Variants in FAAH2 observed in about 807,000 individuals in gnomAD.
FAAH2 encodes fatty acid amide hydrolase 2, also known as fatty-acid amide hydrolase 2.
In FAAH2, 60 loss-of-function variants were observed where a neutral mutation model predicts 36.9. That is an observed-to-expected ratio of 1.63 (90% CI 1.32 to 2.02). The LOEUF (loss-of-function observed/expected upper bound fraction) is 2.02, where lower values mean the gene tolerates loss of function less well. Ranked by LOEUF, FAAH2 falls within the 30% of genes most tolerant of loss-of-function variation. The pLI, the probability that FAAH2 is intolerant of heterozygous loss-of-function variation, is 0.00. For missense variants in FAAH2, 689 were observed against 397.5 expected (o/e 1.73, Z -6.23); for synonymous variants, 214 against 143.8 (o/e 1.49, Z -3.49).
the FAAH2 span, among the ~76,000 whole-genome samples, chrX:57,226,573 C>T: frequency 8.9e-6 from 1 of 111,836 alleles, no homozygotes; most frequent in African/African-American, 3.3e-5. Context: ...TGTCTCAAAA[C>T]TCTTAAGATT....
intron 7 of FAAH2, among the ~76,000 whole-genome samples, chrX:57,423,559 G>T (rs931031546): frequency 8.9e-6 from 1 of 112,080 alleles, no homozygotes; most frequent in Non-Finnish European, 1.9e-5. Context: ...TGGAAGCAAT[G>T]TGGGACCCAC....
chrX:57,324,455 A>G (rs1216759336), intron 3 of FAAH2, among the ~76,000 whole-genome samples: 2 of 111,881 alleles, frequency 1.8e-5, no homozygotes, highest in African/African-American at 3.3e-5. Flanking sequence ...CATGATATTG[A>G]TTCTTCCTAC....
the FAAH2 span, among the ~76,000 whole-genome samples, chrX:57,253,094 C>T: frequency 9.0e-6 from 1 of 111,439 alleles, no homozygotes; most frequent in Admixed American, 9.5e-5. Context: ...AGCGGAAAAC[C>T]ACAGTACTAG....
At chrX:57,363,576 T>C (rs775605329) in intron 5 of FAAH2, among the ~76,000 whole-genome samples, 2 of 111,473 alleles carry the variant, frequency 1.8e-5, no homozygotes, top group Non-Finnish European at 3.8e-5. Context: ...GCCTGATTGC[T>C]CTGGCTAGGA....
At chrX:57,184,396 G>A in the FAAH2 span, among the ~76,000 whole-genome samples, 7 of 111,857 alleles carry the variant, frequency 6.3e-5, no homozygotes, top group East Asian at 2.8e-4. Context: ...CAGTCCTACC[G>A]ATATGTATTG....
chrX:57,278,195 AAACAGCATGGTACTGGT>A, the FAAH2 span, among the ~76,000 whole-genome samples: 1 of 111,874 alleles, frequency 8.9e-6, no homozygotes, highest in Non-Finnish European at 1.9e-5. Context: ...AGAGCATCCA[AAACAGCATGGTACTGGT>A]AACAAAGAAG....
chrX:57,143,645 T>C, the FAAH2 span, among the ~76,000 whole-genome samples: 4 of 110,320 alleles, frequency 3.6e-5, no homozygotes, highest in African/African-American at 1.3e-4. Flanking sequence ...CTAAGCTATT[T>C]CTTTGTATTT....
the FAAH2 span, chrX:57,229,514 A>G: frequency 9.0e-6 from 1 of 111,429 alleles, no homozygotes; most frequent in Non-Finnish European, 1.9e-5. Context: ...ATCTTTTTTG[A>G]TGTGTGTTCT....
At chrX:57,394,582 T>C in intron 7 of FAAH2, 1 of 1,190,964 alleles carries the variant, frequency 8.4e-7, no homozygotes, top group Non-Finnish European at 1.1e-6. Flanking sequence ...TGGCACTCTC[T>C]ACAGTGCTCT....
chrX:57,481,581 G>A (rs188185791), intron 10 of FAAH2, among the ~76,000 whole-genome samples: 2,963 of 112,003 alleles, frequency 0.026, 97 homozygotes, highest in African/African-American at 0.092. Context: ...CTGTAGAACA[G>A]CAAATATTGC....
At chrX:57,248,964 G>T in the FAAH2 span, among the ~76,000 whole-genome samples, 2 of 109,249 alleles carry the variant, frequency 1.8e-5, no homozygotes, top group East Asian at 2.9e-4. Flanking sequence ...GCCTAATTCT[G>T]CCAATATGTA....
intron 8 of FAAH2, among the ~76,000 whole-genome samples, chrX:57,445,823 G>A (rs2056662131): frequency 8.9e-6 from 1 of 112,489 alleles, no homozygotes; most frequent in African/African-American, 3.2e-5. Flanking sequence ...CACCACAGCT[G>A]ATGTTGTACT....
At chrX:57,166,381 C>G in the FAAH2 span, among the ~76,000 whole-genome samples, 5 of 111,941 alleles carry the variant, frequency 4.5e-5, no homozygotes, top group South Asian at 3.8e-4. Flanking sequence ...CACCTGCAGA[C>G]AGAAAAACTG....
At chrX:57,138,331 G>C in the FAAH2 span, among the ~76,000 whole-genome samples, 1 of 110,269 alleles carries the variant, frequency 9.1e-6, no homozygotes, top group African/African-American at 3.3e-5. Context: ...AAACCAAATG[G>C]GTGTACAATA....
At chrX:57,294,084 A>T (rs775708573) in intron 2 of FAAH2, among the ~76,000 whole-genome samples, 10 of 112,315 alleles carry the variant, frequency 8.9e-5, no homozygotes, top group African/African-American at 2.9e-4. Flanking sequence ...GAAATTTAAA[A>T]CACTGGCATT....
At chrX:57,479,417 C>A (rs1385556775) in intron 10 of FAAH2, among the ~76,000 whole-genome samples, 4 of 111,507 alleles carry the variant, frequency 3.6e-5, no homozygotes, top group Admixed American at 9.6e-5. Context: ...TCTAGATATA[C>A]AATCATGTCA....
At chrX:57,302,473 G>A (rs1486272827) in intron 2 of FAAH2, among the ~76,000 whole-genome samples, 1 of 111,468 alleles carries the variant, frequency 9.0e-6, no homozygotes, top group Non-Finnish European at 1.9e-5. Context: ...TCCCAGTCTG[G>A]TGGTTGAAGC....
At chrX:57,276,323 AC>A in the FAAH2 span, among the ~76,000 whole-genome samples, 1 of 112,274 alleles carries the variant, frequency 8.9e-6, no homozygotes, top group South Asian at 3.6e-4. Flanking sequence ...CTGAATGACT[AC>A]TGAGTAAATA....
At chrX:57,403,350 C>T (rs981928669) in intron 7 of FAAH2, among the ~76,000 whole-genome samples, 1 of 112,535 alleles carries the variant, frequency 8.9e-6, no homozygotes, top group Admixed American at 9.3e-5. Context: ...ACTGATGTAG[C>T]AGTCCTGCAC....
Sources: allele counts gnomAD v4.1 joint callset (sites outside exome capture counted in the v4.1 genomes callset), GRCh38; gene constraint gnomAD v4.1.1; transcripts MANE v1.5; gene names NCBI Gene and HGNC (gene_info 2026-07-23, HGNC 2026-07-21).